NHEJ1: variants seen among roughly 807,000 people sequenced by gnomAD.
The protein encoded by NHEJ1 is non-homologous end-joining factor 1.
NHEJ1 carries 22 observed loss-of-function variants against 39.4 expected under a neutral mutation model. That is an observed-to-expected ratio of 0.56 (90% CI 0.40 to 0.80). The LOEUF is 0.80. Ranked by LOEUF, NHEJ1 falls within the 30% of genes least tolerant of loss-of-function variation. The probability of loss-of-function intolerance (pLI) is 0.00; values close to 1 mark genes in which losing one functional copy is unlikely to be tolerated. For missense variants in NHEJ1, 329 were observed against 357.1 expected, an observed-to-expected ratio of 0.92 and a Z score of 0.63; for synonymous variants, 154 against 135.6, an observed-to-expected ratio of 1.14 and a Z score of -0.94.
chr2:219,104,716 C>T (rs73991041), intron 5 of NHEJ1, among the ~76,000 whole-genome samples: 3 of 151,708 alleles, frequency 2.0e-5, no homozygotes, highest in Admixed American at 2.0e-4. Context: ...CCCACACACA[C>T]AAAAAAGAAG....
intron 5 of NHEJ1, chr2:219,102,830 C>G (rs928645837): frequency 2.0e-5 from 3 of 151,344 alleles, no homozygotes; most frequent in African/African-American, 7.3e-5. Context: ...ATGGTGAAAC[C>G]CCGTCTCTAC....
At chr2:219,124,213 A>T (rs1261486172) in intron 5 of NHEJ1, among the ~76,000 whole-genome samples, 1 of 152,092 alleles carries the variant, frequency 6.6e-6, no homozygotes, top group Non-Finnish European at 1.5e-5. Flanking sequence ...AACTGGGAGG[A>T]GTAGGGAAGA....
In NHEJ1 at chr2:219,071,375, A is replaced by C. The variant is rs1474591089; in HGVS notation, c.*5006T>G. Among the ~76,000 whole-genome samples, 3 of 152,196 alleles carry C rather than the reference A, an allele frequency of 2.0e-5. No individual in the cohort carries two copies. Among genetic ancestry groups the C allele is most frequent in the Non-Finnish European group, 2.9e-5 (2 of 68,032 alleles). ...GGGGTAGGGGTTAGGCAAACAGGCC[A>C]GGGAGGCCGTTGGTTGAAATTTAAC... On this transcript the variant is annotated 3_prime_UTR_variant, in exon 8 of 8. Coordinates refer to ENST00000356853, the MANE Select transcript of NHEJ1 (RefSeq NM_024782.3).
At chr2:219,078,624 C>A (rs546659677) in intron 5 of NHEJ1, among the ~76,000 whole-genome samples, 1 of 152,118 alleles carries the variant, frequency 6.6e-6, no homozygotes, top group African/African-American at 2.4e-5. Context: ...GGAGAGAGAG[C>A]AAAATGGTAA....
chr2:219,076,579 T>G, intron 7 of NHEJ1, 124 bp from the exon 8 acceptor site: 3 of 839,694 alleles, frequency 3.6e-6, no homozygotes, highest in East Asian at 2.7e-5. Context: ...TTTTTTTTTT[T>G]TCCACCCAGG....
Position 219,076,167 on chromosome 2 carries a change from G to A in NHEJ1, c.*214C>T. The A allele has an allele frequency of 9.5e-7, 1 of 1,052,680 alleles. No homozygotes were observed. Among genetic ancestry groups the A allele is most frequent in the Non-Finnish European group, 1.3e-6 (1 of 745,412 alleles). 65.2% of individuals were successfully genotyped at this position (1,052,680 alleles called of 1,614,324 possible). A position where few individuals can be genotyped will look rare whatever the true frequency, so the allele number is the denominator to read the frequency against. On this transcript the variant is annotated 3_prime_UTR_variant, in exon 8 of 8. Coordinates refer to ENST00000356853, the MANE Select transcript of NHEJ1 (RefSeq NM_024782.3). ...CTACAGAACCTCCACCAAAAGAGAG[G>A]AGAGCACGGGATTCTCAGAGACTGG...
At chr2:219,132,761 A>G (rs1379546968) in intron 5 of NHEJ1, among the ~76,000 whole-genome samples, 1 of 152,086 alleles carries the variant, frequency 6.6e-6, no homozygotes, top group Non-Finnish European at 1.5e-5. Flanking sequence ...ACTTTTCCCA[A>G]ACTGGCCTGC....
chr2:219,156,008 G>A (rs966523009), intron 3 of NHEJ1, among the ~76,000 whole-genome samples: 4 of 151,696 alleles, frequency 2.6e-5, no homozygotes, highest in Non-Finnish European at 4.4e-5. Flanking sequence ...CCAGCACTTT[G>A]GGAGGCCGAG....
At chr2:219,101,459 G>A (rs535311207) in intron 5 of NHEJ1, among the ~76,000 whole-genome samples, 2 of 152,078 alleles carry the variant, frequency 1.3e-5, no homozygotes, top group South Asian at 4.2e-4. Flanking sequence ...CTGCCAGGCT[G>A]AAATGCAGTG....
intron 1 of NHEJ1, chr2:219,160,387 T>G (rs6724435): frequency 1 from 152,191 of 152,590 alleles, 75,898 homozygotes; most frequent in East Asian, 1. Context: ...GCCCCAGCTA[T>G]AACAGCCTTC....
At chr2:219,155,346 C>T (rs1949843055) in intron 3 of NHEJ1, among the ~76,000 whole-genome samples, 1 of 151,974 alleles carries the variant, frequency 6.6e-6, no homozygotes, top group Non-Finnish European at 1.5e-5. Context: ...AGGAGGATTG[C>T]TTGAGGTGAG....
chr2:219,089,106 A>C (rs1289619784), intron 5 of NHEJ1, among the ~76,000 whole-genome samples: 3 of 152,226 alleles, frequency 2.0e-5, no homozygotes, highest in Non-Finnish European at 4.4e-5. Flanking sequence ...GGCATGAGCC[A>C]TTGCGCCCAG....
intron 5 of NHEJ1, among the ~76,000 whole-genome samples, chr2:219,126,213 A>C (rs185257961): frequency 2.8e-4 from 43 of 152,280 alleles, no homozygotes; most frequent in African/African-American, 1.0e-3. Context: ...CTCCCTTTTC[A>C]AATATATTTC....
intron 5 of NHEJ1, among the ~76,000 whole-genome samples, chr2:219,106,811 G>A (rs942219170): frequency 6.6e-6 from 1 of 152,214 alleles, no homozygotes; most frequent in African/African-American, 2.4e-5. Flanking sequence ...CAGACAGTCA[G>A]CAAAGCAGTG....
intron 1 of NHEJ1, among the ~76,000 whole-genome samples, chr2:219,159,528 T>TATATATGCATATATATGC (rs1553549779): frequency 3.3e-5 from 3 of 92,236 alleles, no homozygotes; most frequent in Admixed American, 1.1e-4. Context: ...TATATATGCA[T>TATATATGCATATATATGC]ATATATATGC....
chr2:219,116,013 G>A (rs542405864), intron 5 of NHEJ1, among the ~76,000 whole-genome samples: 2 of 148,590 alleles, frequency 1.3e-5, no homozygotes, highest in South Asian at 2.1e-4. Flanking sequence ...CCAGCTACTC[G>A]GAGGGCTGAG....
intron 5 of NHEJ1, among the ~76,000 whole-genome samples, chr2:219,115,365 T>C (rs1489129053): frequency 6.6e-6 from 1 of 152,162 alleles, no homozygotes; most frequent in African/African-American, 2.4e-5. Context: ...TCAATGACTT[T>C]AGTTTGGGCT....
At chr2:219,119,184 A>C (rs1176061137) in intron 5 of NHEJ1, among the ~76,000 whole-genome samples, 1 of 152,240 alleles carries the variant, frequency 6.6e-6, no homozygotes, top group Non-Finnish European at 1.5e-5. Context: ...AGTGAAAAAA[A>C]GAAACCTATC....
At chr2:219,100,365 G>A (rs1949245046) in intron 5 of NHEJ1, among the ~76,000 whole-genome samples, 1 of 151,748 alleles carries the variant, frequency 6.6e-6, no homozygotes, top group Admixed American at 6.6e-5. Context: ...CACTTTGGGA[G>A]TCTGAGGCAG....
Sources: allele counts gnomAD v4.1 joint callset (sites outside exome capture counted in the v4.1 genomes callset), GRCh38; gene constraint gnomAD v4.1.1; transcripts MANE v1.5; gene names NCBI Gene and HGNC (gene_info 2026-07-23, HGNC 2026-07-21).